DAAM1: variants seen among roughly 807,000 people sequenced by gnomAD.
DAAM1 encodes the protein dishevelled associated activator of morphogenesis 1, also known as disheveled-associated activator of morphogenesis 1.
Under a neutral mutation model 130.0 loss-of-function variants are expected in DAAM1, and 52 were observed. The observed-to-expected ratio is 0.40, with a 90% CI of 0.32 to 0.50. The LOEUF (loss-of-function observed/expected upper bound fraction) is 0.50, where lower values mean the gene tolerates loss of function less well. Ranked by LOEUF, DAAM1 falls within the 20% of genes least tolerant of loss-of-function variation. The probability of loss-of-function intolerance (pLI) is 0.61; values close to 1 mark genes in which losing one functional copy is unlikely to be tolerated. For synonymous variants in DAAM1, 452 were observed against 444.5 expected (o/e 1.02, Z -0.21); for missense variants, 1,134 against 1,303.8 (o/e 0.87, Z 2.01).
chr14:59,301,501 A>G (rs1884171834), intron 3 of DAAM1, among the ~76,000 whole-genome samples: 1 of 151,976 alleles, frequency 6.6e-6, no homozygotes, highest in Non-Finnish European at 1.5e-5. Flanking sequence ...GACCAGGCAA[A>G]TTGTGTTTCC....
chr14:59,346,946 G>C (rs1034313547), intron 16 of DAAM1, among the ~76,000 whole-genome samples: 5 of 152,044 alleles, frequency 3.3e-5, no homozygotes, highest in Non-Finnish European at 1.5e-5. Flanking sequence ...ATCAAGAGTC[G>C]TGGGTTTGTG....
chr14:59,334,906 A>C (rs1885567536), intron 15 of DAAM1, among the ~76,000 whole-genome samples: 2 of 152,234 alleles, frequency 1.3e-5, no homozygotes, highest in Non-Finnish European at 1.5e-5. Flanking sequence ...ATGGACTACA[A>C]GATGATAATA....
At chr14:59,237,650 A>T (rs1220961419) in intron 1 of DAAM1, among the ~76,000 whole-genome samples, 3 of 152,188 alleles carry the variant, frequency 2.0e-5, no homozygotes, top group Non-Finnish European at 4.4e-5. Flanking sequence ...GCCAGGATTG[A>T]TATAGGCCTT....
chr14:59,303,300 A>G lies in DAAM1; in HGVS notation c.274-11980A>G, dbSNP rs187318836. On this transcript the variant is annotated intron_variant, in intron 3 of 24. Transcript: ENST00000360909. ...AGAGTCTGAGCAGATAGTTTCAGTA[A>G]TCTGAGTAAATAGTCTCTGATGTGT... 2.2e-3 allele frequency among the ~76,000 whole-genome samples: 338 copies of G among 152,284 alleles called. 1 individual carries two copies. The highest frequency in any genetic ancestry group is 7.6e-3 in the African/African-American group (317 of 41,544).
At chr14:59,298,172 G>C (rs1884031908) in intron 3 of DAAM1, among the ~76,000 whole-genome samples, 1 of 152,286 alleles carries the variant, frequency 6.6e-6, no homozygotes, top group Middle Eastern at 3.4e-3. Flanking sequence ...CTGGGACATG[G>C]TCTGTTTCTC....
intron 3 of DAAM1, among the ~76,000 whole-genome samples, chr14:59,304,363 G>C (rs998515667): frequency 7.9e-5 from 12 of 152,294 alleles, no homozygotes; most frequent in Middle Eastern, 6.8e-3. Context: ...GTAGAGTAGA[G>C]AGAAGCTTTG....
At chr14:59,272,058 C>A (rs938140461) in intron 2 of DAAM1, among the ~76,000 whole-genome samples, 2 of 152,048 alleles carry the variant, frequency 1.3e-5, no homozygotes, top group African/African-American at 4.8e-5. Flanking sequence ...CAGAGAAAAT[C>A]GGACTGTATA....
intron 12 of DAAM1, among the ~76,000 whole-genome samples, chr14:59,329,091 G>A (rs112534235): frequency 5.3e-5 from 8 of 152,314 alleles, no homozygotes; most frequent in African/African-American, 1.9e-4. Context: ...CATTTGTGGA[G>A]AGAGTCATTT....
At chr14:59,277,576 CT>C (rs1217184766) in intron 2 of DAAM1, among the ~76,000 whole-genome samples, 1 of 151,714 alleles carries the variant, frequency 6.6e-6, no homozygotes, top group Admixed American at 6.6e-5. Context: ...GCCTTTTAAT[CT>C]GTTGGTTTTA....
intron 1 of DAAM1, 98 bp from the exon 2 acceptor site, chr14:59,263,343 C>G (rs978657935): frequency 7.8e-6 from 8 of 1,025,720 alleles, no homozygotes; most frequent in Non-Finnish European, 1.1e-5. Context: ...CACACAGTGT[C>G]GTCAGCACAC....
intron 1 of DAAM1, among the ~76,000 whole-genome samples, chr14:59,237,933 T>C (rs1299357218): frequency 6.6e-6 from 1 of 152,228 alleles, no homozygotes. Context: ...AATGATAATT[T>C]TGAAGAGCAG....
chr14:59,370,144 C>CTTTTTTTTTTTTTTTT lies in DAAM1; in HGVS notation c.*1296_*1311dup, dbSNP rs398025271. ...TATAAAGAGGACTGTTACTTTTTTA[C>CTTTTTTTTTTTTTTTT]TTTTTTTTTTTTTTTTTTTTTTTTT... On this transcript the variant is annotated 3_prime_UTR_variant, in exon 25 of 25. Transcript: ENST00000360909. 2.1e-5 allele frequency: 2 copies of CTTTTTTTTTTTTTTTT among 95,400 alleles called. No homozygotes were observed. The highest frequency in any genetic ancestry group is 3.5e-5 in the African/African-American group (1 of 28,248). 5.9% of individuals were successfully genotyped at this position (95,400 alleles called of 1,614,324 possible).
intron 2 of DAAM1, among the ~76,000 whole-genome samples, chr14:59,284,410 G>C (rs2139550238): frequency 6.6e-6 from 1 of 152,272 alleles, no homozygotes; most frequent in Admixed American, 6.6e-5. Flanking sequence ...GAGCCATTCA[G>C]AGGGGGACTT....
chr14:59,219,991 G>A (rs1888718932), intron 1 of DAAM1, among the ~76,000 whole-genome samples: 1 of 152,178 alleles, frequency 6.6e-6, no homozygotes, highest in Admixed American at 6.5e-5. Flanking sequence ...TCCTGCTATG[G>A]ATGTAGCTAT....
chr14:59,324,951 T>C (rs1885152651), intron 8 of DAAM1, among the ~76,000 whole-genome samples: 1 of 152,210 alleles, frequency 6.6e-6, no homozygotes, highest in Admixed American at 6.5e-5. Context: ...CTATCCCAAC[T>C]TGCTTTCAGA....
intron 1 of DAAM1, among the ~76,000 whole-genome samples, chr14:59,202,434 A>AG (rs915706164): frequency 6.6e-6 from 1 of 152,248 alleles, no homozygotes; most frequent in African/African-American, 2.4e-5. Flanking sequence ...GCTGATTTTT[A>AG]GGGGAAAATA....
At chr14:59,302,873 C>T (rs1242826889) in intron 3 of DAAM1, among the ~76,000 whole-genome samples, 1 of 152,048 alleles carries the variant, frequency 6.6e-6, no homozygotes, top group African/African-American at 2.4e-5. Context: ...AGGCTGGTCT[C>T]GAAGTCCTGA....
chr14:59,321,829 T>C (rs1248470122), intron 5 of DAAM1, among the ~76,000 whole-genome samples: 1 of 152,250 alleles, frequency 6.6e-6, no homozygotes, highest in African/African-American at 2.4e-5. Flanking sequence ...CAATATGTTC[T>C]GCACTCTCAG....
chr14:59,239,388 C>T (rs543049352), intron 1 of DAAM1, among the ~76,000 whole-genome samples: 2 of 152,256 alleles, frequency 1.3e-5, no homozygotes, highest in South Asian at 4.1e-4. Context: ...CTTATTGTCA[C>T]TCTAGTTTTT....
Sources: gnomAD v4.1 joint callset for allele counts (sites outside exome capture counted in the v4.1 genomes callset) on GRCh38, gnomAD v4.1.1 for gene constraint, MANE v1.5 for transcripts, NCBI Gene and HGNC (gene_info 2026-07-23, HGNC 2026-07-21) for gene names.